Variants in MAGI1 observed in about 807,000 individuals in gnomAD.
MAGI1 encodes membrane-associated guanylate kinase, WW and PDZ domain-containing protein 1.
Under a neutral mutation model 139.9 loss-of-function variants are expected in MAGI1, and 58 were observed. The ratio of observed to expected loss-of-function variants is 0.41; its 90% CI spans 0.34 to 0.52. MAGI1 has a LOEUF of 0.52. MAGI1 is among the 20% of genes least tolerant of loss of function. MAGI1 has a pLI of 0.12. For missense variants in MAGI1, 1,874 were observed against 1,901.6 expected, an observed-to-expected ratio of 0.99 and a Z score of 0.27; for synonymous variants, 812 against 737.9, an observed-to-expected ratio of 1.10 and a Z score of -1.63.
chr3:65,799,229 G>C (rs1385715991), intron 1 of MAGI1, among the ~76,000 whole-genome samples: 1 of 152,260 alleles, frequency 6.6e-6, no homozygotes, highest in African/African-American at 2.4e-5. Flanking sequence ...AACTACAAAA[G>C]TTATGGCCAC....
At chr3:66,033,301 G>GGT (rs972785755) in intron 1 of MAGI1, among the ~76,000 whole-genome samples, 14 of 152,160 alleles carry the variant, frequency 9.2e-5, no homozygotes, top group African/African-American at 3.4e-4. Context: ...TGGGATTACA[G>GGT]GTGAGCCACC....
chr3:65,903,221 T>C (rs1033089307), intron 1 of MAGI1, among the ~76,000 whole-genome samples: 1 of 152,136 alleles, frequency 6.6e-6, no homozygotes, highest in Non-Finnish European at 1.5e-5. Context: ...TCTGAACTCC[T>C]GGGCTCAAAC....
At chr3:66,015,656 A>G (rs1406080490) in intron 1 of MAGI1, among the ~76,000 whole-genome samples, 1 of 152,210 alleles carries the variant, frequency 6.6e-6, no homozygotes, top group Non-Finnish European at 1.5e-5. Context: ...CAATTAGATG[A>G]TATTTTTTAA....
chr3:65,855,644 CAG>C (rs1340531381), intron 1 of MAGI1, among the ~76,000 whole-genome samples: 1 of 10,792 alleles, frequency 9.3e-5, no homozygotes. Context: ...AAGGGAGAAA[CAG>C]AGAGAGAGAA....
intron 5 of MAGI1, among the ~76,000 whole-genome samples, chr3:65,455,858 T>C (rs1172495670): frequency 6.6e-6 from 1 of 152,234 alleles, no homozygotes; most frequent in Admixed American, 6.5e-5. Flanking sequence ...GTTGTATATA[T>C]CAATAATCAA....
intron 13 of MAGI1, among the ~76,000 whole-genome samples, chr3:65,398,290 G>A (rs978490160): frequency 1.3e-5 from 2 of 152,020 alleles, no homozygotes; most frequent in Admixed American, 6.6e-5. Context: ...AAGATAGGAG[G>A]AGCACTTGAG....
At chr3:65,917,173 A>T (rs888978794) in intron 1 of MAGI1, among the ~76,000 whole-genome samples, 1 of 152,218 alleles carries the variant, frequency 6.6e-6, no homozygotes, top group African/African-American at 2.4e-5. Flanking sequence ...ATGGGGCTAC[A>T]GGGTTTCCTT....
intron 1 of MAGI1, among the ~76,000 whole-genome samples, chr3:65,830,351 G>T (rs1464469122): frequency 6.6e-6 from 1 of 151,568 alleles, no homozygotes; most frequent in Non-Finnish European, 1.5e-5. Context: ...CAGAGAGAGA[G>T]AAAGAAAACA....
chr3:65,748,421 A>G (rs947727165), intron 1 of MAGI1, among the ~76,000 whole-genome samples: 1 of 152,182 alleles, frequency 6.6e-6, no homozygotes, highest in African/African-American at 2.4e-5. Flanking sequence ...ATGGGCCTTT[A>G]GATGTTCTGG....
intron 1 of MAGI1, among the ~76,000 whole-genome samples, chr3:65,797,812 A>G (rs774323181): frequency 6.6e-6 from 1 of 152,216 alleles, no homozygotes; most frequent in Non-Finnish European, 1.5e-5. Context: ...ACGGACAGGA[A>G]AAATAACACA....
chr3:65,614,711 C>T (rs530460836), intron 2 of MAGI1, among the ~76,000 whole-genome samples: 53 of 152,128 alleles, frequency 3.5e-4, no homozygotes, highest in Admixed American at 2.6e-3. Flanking sequence ...TTGTAAAGTA[C>T]GTAGGCTCTT....
At chr3:65,827,099 T>G (rs1269906366) in intron 1 of MAGI1, among the ~76,000 whole-genome samples, 4 of 152,202 alleles carry the variant, frequency 2.6e-5, no homozygotes, top group African/African-American at 7.2e-5. Flanking sequence ...ATTAAAGGTT[T>G]TTAAAGTAAG....
At chr3:65,489,468 A>G (rs1314010938) in intron 3 of MAGI1, among the ~76,000 whole-genome samples, 1 of 152,192 alleles carries the variant, frequency 6.6e-6, no homozygotes, top group Admixed American at 6.5e-5. Context: ...ATATACTTGA[A>G]GCACTGTTTA....
intron 6 of MAGI1, among the ~76,000 whole-genome samples, chr3:65,449,059 T>A (rs1213828547): frequency 1.4e-5 from 2 of 142,842 alleles, no homozygotes; most frequent in East Asian, 4.2e-4. Context: ...AATGAACCAA[T>A]CAATCAATGA....
intron 5 of MAGI1, among the ~76,000 whole-genome samples, chr3:65,455,294 G>A (rs1949317453): frequency 6.6e-6 from 1 of 152,138 alleles, no homozygotes; most frequent in African/African-American, 2.4e-5. Context: ...TCATCACAGG[G>A]GTCCCTCACG....
intron 1 of MAGI1, among the ~76,000 whole-genome samples, chr3:65,838,390 T>G (rs966264911): frequency 1.3e-5 from 2 of 152,346 alleles, no homozygotes; most frequent in East Asian, 1.9e-4. Flanking sequence ...ACTCCTTTAG[T>G]GCATACACAC....
Position 66,034,628 on chromosome 3 carries a change from A to C in MAGI1, c.313+3368T>G, listed in dbSNP as rs181872905. Among the ~76,000 whole-genome samples the C allele has an allele frequency of 2.6e-3, 393 of 152,334 alleles. 8 individuals carry two copies. The highest frequency in any genetic ancestry group is 3.8e-3 in the African/African-American group (156 of 41,578). On this transcript the variant is annotated intron_variant, in intron 1 of 22. Transcript: ENST00000402939. ...GATGGCCAAAGATGTAGAGCAACTG[A>C]AACATTAATAACAGCTTTATTCGTA...
intron 18 of MAGI1, among the ~76,000 whole-genome samples, chr3:65,365,573 T>C (rs1169711831): frequency 6.6e-6 from 1 of 152,240 alleles, no homozygotes; most frequent in Non-Finnish European, 1.5e-5. Context: ...TTACTAATAA[T>C]TTCTTCATTA....
chr3:65,930,839 G>A (rs1346652876), intron 1 of MAGI1, among the ~76,000 whole-genome samples: 1 of 152,122 alleles, frequency 6.6e-6, no homozygotes, highest in Non-Finnish European at 1.5e-5. Flanking sequence ...CCATGGCAAC[G>A]TCAGGAAGTT....
Sources: allele counts gnomAD v4.1 joint callset (sites outside exome capture counted in the v4.1 genomes callset), GRCh38; gene constraint gnomAD v4.1.1; transcripts MANE v1.5; gene names NCBI Gene and HGNC (gene_info 2026-07-23, HGNC 2026-07-21).